The following BLZF1 variants were observed in gnomAD, a reference collection of about 807,000 sequenced individuals.
The protein encoded by BLZF1 is basic leucine zipper nuclear factor 1, also known as golgin-45.
In BLZF1, 39 loss-of-function variants were observed where a neutral mutation model predicts 43.8. That is an observed-to-expected ratio of 0.89 (90% CI 0.69 to 1.16). The LOEUF is 1.16. Among genes scored for constraint, BLZF1 ranks in the 50% most tolerant of loss-of-function variants. The pLI is 0.00. For synonymous variants in BLZF1, 136 were observed against 159.4 expected (o/e 0.85, Z 1.11); for missense variants, 449 against 469.8 (o/e 0.96, Z 0.41).
At chr1:169,383,433 CTCTAT>C in intron 6 of BLZF1, among the ~76,000 whole-genome samples, 1 of 152,228 alleles carries the variant, frequency 6.6e-6, no homozygotes, top group South Asian at 2.1e-4. Context: ...AAAATCTTCC[CTCTAT>C]TGTAAGATGT....
In BLZF1 at chr1:169,395,069, C is replaced by T. The variant is rs147298857; in HGVS notation, c.*28-825C>T. 41 of 1,597,212 alleles carry T rather than the reference C, an allele frequency of 2.6e-5. No individual in the cohort carries two copies. The highest frequency in any genetic ancestry group is 5.4e-5 in the African/African-American group (4 of 73,754). On this transcript the variant is annotated intron_variant, in intron 7 of 7. Coordinates refer to the BLZF1 transcript ENST00000329281. Reference sequence around the variant, plus strand: ...CTTTCAGTTATAATGATCAGTAAAACGAAAAGGTTTGGCTTCTGACATATA... The same window carrying T: ...CTTTCAGTTATAATGATCAGTAAAATGAAAAGGTTTGGCTTCTGACATATA...
chr1:169,385,540 G>C (rs1425165884), intron 6 of BLZF1, among the ~76,000 whole-genome samples: 1 of 152,040 alleles, frequency 6.6e-6, no homozygotes, highest in African/African-American at 2.4e-5. Context: ...TTTGTTTCTC[G>C]CTCTATAAAG....
At position 169,385,395 on chromosome 1, in the gene BLZF1, C is replaced by T. The variant is rs530769005; in HGVS notation, c.1018-1602C>T. Among the ~76,000 whole-genome samples, 8 of 152,256 alleles carry T rather than the reference C, an allele frequency of 5.3e-5. No homozygotes were observed. The South Asian group carries it at 1.7e-3, about 32-fold the overall frequency. On this transcript the variant is annotated intron_variant, in intron 6 of 6. Coordinates refer to ENST00000367808, the MANE Select transcript of BLZF1 (RefSeq NM_001320973.2). ...TTATGCATACTGCTTCCCCCATCCC[C>T]CACACTGTGTATAGAATGATCTCTC...
At chr1:169,370,719 C>T (rs1489138215) in intron 2 of BLZF1, among the ~76,000 whole-genome samples, 2 of 152,116 alleles carry the variant, frequency 1.3e-5, no homozygotes, top group African/African-American at 4.8e-5. Flanking sequence ...AGCCTCTTCT[C>T]CTTCTTATTT....
At chr1:169,392,819 A>G (rs1325730922), downstream of BLZF1, among the ~76,000 whole-genome samples, 4 of 152,118 alleles carry the variant, frequency 2.6e-5, no homozygotes, top group African/African-American at 9.7e-5. Context: ...TAAAAACCCA[A>G]AAGGTTTAGA....
At chr1:169,379,052 A>C (rs1243702825) in intron 4 of BLZF1, among the ~76,000 whole-genome samples, 3 of 151,888 alleles carry the variant, frequency 2.0e-5, no homozygotes, top group African/African-American at 7.2e-5. Flanking sequence ...AGGCCTCTCA[A>C]CACACTGGTG....
intron 7 of BLZF1, chr1:169,395,190 G>T (rs370391570): frequency 1.9e-6 from 3 of 1,610,780 alleles, no homozygotes; most frequent in African/African-American, 1.3e-5. Context: ...TTTTCCATCC[G>T]TTTCCTTCTT....
chr1:169,392,727 G>A (rs905125383), downstream of BLZF1, among the ~76,000 whole-genome samples: 1 of 152,108 alleles, frequency 6.6e-6, no homozygotes, highest in African/African-American at 2.4e-5. Flanking sequence ...GACCTCCAGG[G>A]GAGGGGGAAG....
chr1:169,380,650 C>A (rs1398542242), intron 5 of BLZF1, 41 bp downstream of exon 5: 1 of 1,599,034 alleles, frequency 6.3e-7, no homozygotes, highest in Non-Finnish European at 8.5e-7. Context: ...CTGCTTTCTC[C>A]TGCAAATTAA....
chr1:169,383,632 A>G (rs1400415325), intron 6 of BLZF1, among the ~76,000 whole-genome samples: 1 of 152,136 alleles, frequency 6.6e-6, no homozygotes, highest in Admixed American at 6.5e-5. Context: ...ATCATATTAT[A>G]CTGTATCGAG....
In BLZF1 at chr1:169,382,204, G is replaced by T; in HGVS notation, c.940G>T (p.Val314Phe). 1 of 1,613,744 alleles carries T rather than the reference G, an allele frequency of 6.2e-7. No homozygotes were observed. Among genetic ancestry groups the T allele is most frequent in the South Asian group, 1.1e-5 (1 of 91,076 alleles). Reference protein sequence around the residue: ...KAVNSHLLGNVGINNQKKIPS... With the variant: ...KAVNSHLLGNFGINNQKKIPS... ...AGTAAATTCTCATCTTCTGGGAAAT[G>T]TTGGCATTAACAATCAAAAAAAGAT... Residue 314 changes from valine to phenylalanine, a missense_variant, in exon 6 of 7, where the codon GTT becomes TTT. Transcript: ENST00000367808.
intron 7 of BLZF1, chr1:169,394,761 TTTC>T (rs1310224017): frequency 4.6e-5 from 10 of 217,300 alleles, no homozygotes; most frequent in African/African-American, 2.0e-4. Context: ...AATCTGTACC[TTTC>T]TTGTGTTTTC....
rs1654354425 is a variant in BLZF1 at position 169,376,639 on chromosome 1, A to C, written c.128A>C (p.Lys43Thr). ...VEVTSGVQSRKHHSLQSPWKK... is the reference protein window; with the variant it reads ...VEVTSGVQSRTHHSLQSPWKK... ...GTTACCTCCGGAGTCCAATCTAGAAAGCATCATAGTCTTCAGAGTCCATGG... is the reference window on the plus strand; with the variant it reads ...GTTACCTCCGGAGTCCAATCTAGAACGCATCATAGTCTTCAGAGTCCATGG... The change falls in exon 3 of 7, where the codon AAG becomes ACG. Residue 43 changes from lysine to threonine, a missense_variant. Physicochemically the swap from Lys to Thr is moderately conservative, Grantham distance 78. Coordinates refer to ENST00000367808, the MANE Select transcript of BLZF1 (RefSeq NM_001320973.2). The C allele has an allele frequency of 6.2e-7, 1 of 1,613,196 alleles. No individual in the cohort carries two copies. The highest frequency in any genetic ancestry group is 1.3e-5 in the African/African-American group (1 of 74,858).
chr1:169,391,056 A>G (rs1227459111), downstream of BLZF1, among the ~76,000 whole-genome samples: 1 of 152,210 alleles, frequency 6.6e-6, no homozygotes, highest in Non-Finnish European at 1.5e-5. Context: ...TATCAAAAGG[A>G]GTAAGACAGA....
chr1:169,368,911 G>C (rs192641882), intron 1 of BLZF1, among the ~76,000 whole-genome samples: 6 of 152,260 alleles, frequency 3.9e-5, no homozygotes, highest in Admixed American at 1.3e-4. Flanking sequence ...TGTACTGTAA[G>C]ACAATGTATA....
chr1:169,382,002 T>C, intron 5 of BLZF1, 60 bp from the exon 6 acceptor site: 1 of 1,198,874 alleles, frequency 8.3e-7, no homozygotes. Context: ...CTATTTACTA[T>C]TATTAATTTT....
chr1:169,378,533 T>G lies in BLZF1; in HGVS notation c.668+4T>G, dbSNP rs1360229302. 6.2e-7 allele frequency: 1 copy of G among 1,611,328 alleles called. No individual in the cohort carries two copies. ...GAAGTAAATTCCTTGCAAGCAGGTA[T>G]TTTCTACAGCAAATAGTATTTCACT... On this transcript the variant is annotated splice_donor_region_variant and intron_variant, in intron 4 of 6. Transcript: ENST00000367808.
rs756775615 is a variant in BLZF1 at position 169,376,653 on chromosome 1, C to T, written c.142C>T (p.Gln48Ter). The stretch of plus-strand genomic sequence containing the variant: ...CCAATCTAGAAAGCATCATAGTCTT[C>T]AGAGTCCATGGAAGAAAGCAGTTCC... ...GVQSRKHHSL[Q>*]SPWKKAVPSE... The change falls in exon 3 of 7, where the codon CAG (glutamine) becomes TAG (stop). Residue 48 changes from glutamine (Q) to a stop codon, truncating the protein, a stop_gained. Coordinates refer to ENST00000367808, the MANE Select transcript of BLZF1 (RefSeq NM_001320973.2). LOFTEE classifies it high-confidence loss of function. 1 of 1,613,384 alleles carries T rather than the reference C, an allele frequency of 6.2e-7. No homozygotes were observed. Among genetic ancestry groups the T allele is most frequent in the South Asian group, 1.1e-5 (1 of 91,056 alleles).
intron 7 of BLZF1, among the ~76,000 whole-genome samples, chr1:169,393,350 G>A (rs1654863109): frequency 6.6e-6 from 1 of 151,952 alleles, no homozygotes; most frequent in Non-Finnish European, 1.5e-5. Context: ...CACTTTGGGA[G>A]GCTGAGGCAG....
Sources: allele counts gnomAD v4.1 joint callset (sites outside exome capture counted in the v4.1 genomes callset), GRCh38; gene constraint gnomAD v4.1.1; transcripts MANE v1.5; gene names NCBI Gene and HGNC (gene_info 2026-07-23, HGNC 2026-07-21).